The following DDX23 variants were observed in gnomAD, a reference collection of about 807,000 sequenced individuals.
DDX23 encodes DEAD-box helicase 23.
In DDX23, 33 loss-of-function variants were observed where a neutral mutation model predicts 102.7. That is an observed-to-expected ratio of 0.32 (90% confidence interval 0.24 to 0.43). DDX23 has a LOEUF of 0.43. DDX23 is among the 20% of genes least tolerant of loss of function. The pLI is 1.00. For missense variants in DDX23, 549 were observed against 1,086.6 expected, an observed-to-expected ratio of 0.51 and a Z score of 6.96; for synonymous variants, 352 against 376.0, an observed-to-expected ratio of 0.94 and a Z score of 0.74.
intron 16 of DDX23, 112 bp downstream of exon 16, chr12:48,831,029 TG>T (rs1187233258): frequency 8.0e-6 from 10 of 1,249,928 alleles, no homozygotes; most frequent in Non-Finnish European, 1.1e-5. Flanking sequence ...ATCCCAGACT[TG>T]GAACTGAGGG....
At chr12:48,837,830 T>C in intron 6 of DDX23, 112 bp downstream of exon 6, 1 of 1,551,802 alleles carries the variant, frequency 6.4e-7, no homozygotes, top group South Asian at 1.2e-5. Context: ...CCACCATCCT[T>C]CCCCTTTCCA....
intron 1 of DDX23, among the ~76,000 whole-genome samples, chr12:48,849,629 C>A (rs1938726241): frequency 6.6e-6 from 1 of 151,344 alleles, no homozygotes; most frequent in African/African-American, 2.4e-5. Context: ...ACTGCACTAG[C>A]CTGGGTGACA....
At chr12:48,844,761 C>T (rs560915688) in intron 2 of DDX23, among the ~76,000 whole-genome samples, 1 of 151,720 alleles carries the variant, frequency 6.6e-6, no homozygotes, top group African/African-American at 2.4e-5. Flanking sequence ...GTGAACCAAC[C>T]GCGCCCGGCC....
intron 2 of DDX23, among the ~76,000 whole-genome samples, chr12:48,845,220 G>A (rs1484453084): frequency 6.6e-6 from 1 of 151,212 alleles, no homozygotes; most frequent in African/African-American, 2.4e-5. Context: ...TGGGGAGGCT[G>A]AAGCAGGCAG....
Position 48,837,083 on chromosome 12 carries a change from G to T in DDX23, c.867-46C>A, listed in dbSNP as rs747665254. On this transcript the variant is annotated intron_variant, in intron 8 of 16. Coordinates refer to ENST00000308025, the MANE Select transcript of DDX23 (RefSeq NM_004818.3). ...AAGAAAAAAGAAGGAGCTGTTAACG[G>T]CAGTAGGAAGGAAGGGCAGACTACT... The T allele has an allele frequency of 1.4e-5, 22 of 1,610,744 alleles. No homozygotes were observed. The South Asian group carries it at 2.4e-4, about 18-fold the overall frequency.
At chr12:48,833,694 T>C (rs1265620952) in intron 12 of DDX23, 175 bp from the exon 13 acceptor site, 3 of 770,212 alleles carry the variant, frequency 3.9e-6, no homozygotes, top group East Asian at 5.4e-5. Flanking sequence ...ACTTGTTGCC[T>C]GGATTTTCTC....
intron 8 of DDX23, 46 bp from the exon 9 acceptor site, chr12:48,837,083 G>A: frequency 6.2e-7 from 1 of 1,610,864 alleles, no homozygotes; most frequent in Non-Finnish European, 8.5e-7. Context: ...GCTGTTAACG[G>A]CAGTAGGAAG....
chr12:48,834,526 C>T (rs948562101), intron 11 of DDX23, 29 bp from the exon 12 acceptor site: 10 of 1,601,450 alleles, frequency 6.2e-6, no homozygotes, highest in South Asian at 3.4e-5. Context: ...CCCACAGCTT[C>T]GTGAGCTTTG....
intron 3 of DDX23, among the ~76,000 whole-genome samples, chr12:48,843,547 C>CTTTTTTTTT (rs757724499): frequency 2.6e-5 from 3 of 117,516 alleles, no homozygotes; most frequent in African/African-American, 6.3e-5. Context: ...TTCTTTCTTT[C>CTTTTTTTTT]TTTTTTTTTT....
chr12:48,831,610 G>A (rs1286536643), intron 15 of DDX23, among the ~76,000 whole-genome samples: 6 of 152,144 alleles, frequency 3.9e-5, no homozygotes, highest in African/African-American at 1.4e-4. Context: ...AATTAGGGGC[G>A]AGATCAGGGT....
rs1938699549 is a variant in DDX23 at position 48,848,221 on chromosome 12, G to A, written c.1-2439C>T. Among the ~76,000 whole-genome samples the A allele has an allele frequency of 2.0e-5, 3 of 152,006 alleles. No individual in the cohort carries two copies. The South Asian group carries it at 6.2e-4, about 32-fold the overall frequency. ...GAATGGCGTGAACCCGGGAGGCAGA[G>A]CTTGCAGTGAGCCGAGATCATGCCA... is the stretch of plus-strand genomic sequence containing the variant. On this transcript the variant is annotated intron_variant, in intron 1 of 16. Coordinates refer to ENST00000308025, the MANE Select transcript of DDX23 (RefSeq NM_004818.3).
chr12:48,845,218 C>T (rs1346178117), intron 2 of DDX23, among the ~76,000 whole-genome samples: 2 of 150,732 alleles, frequency 1.3e-5, no homozygotes, highest in African/African-American at 2.4e-5. Flanking sequence ...CTTGGGGAGG[C>T]TGAAGCAGGC....
At chr12:48,837,696 G>A (rs767020437) in intron 6 of DDX23, 39 bp from the exon 7 acceptor site, 33 of 1,611,134 alleles carry the variant, frequency 2.0e-5, no homozygotes, top group Non-Finnish European at 2.5e-5. Flanking sequence ...AAGAGCTCAT[G>A]GAAGAAAAGA....
chr12:48,846,579 A>C (rs1394058161), intron 1 of DDX23, among the ~76,000 whole-genome samples: 1 of 152,236 alleles, frequency 6.6e-6, no homozygotes, highest in Non-Finnish European at 1.5e-5. Context: ...TAAGTGGAGA[A>C]ACACACTTTT....
chr12:48,847,152 A>G (rs952599150), intron 1 of DDX23: 4 of 152,222 alleles, frequency 2.6e-5, no homozygotes, highest in African/African-American at 9.6e-5. Context: ...AGGACAACCC[A>G]TTTTATCTCA....
intron 1 of DDX23, 131 bp from the exon 2 acceptor site, chr12:48,845,913 G>A (rs1426762960): frequency 2.9e-5 from 29 of 1,002,690 alleles, no homozygotes; most frequent in Non-Finnish European, 4.0e-5. Context: ...GATGAGAACG[G>A]TGGAGCTCAG....
At chr12:48,842,834 T>G (rs2054860130) in intron 3 of DDX23, among the ~76,000 whole-genome samples, 1 of 152,136 alleles carries the variant, frequency 6.6e-6, no homozygotes, top group African/African-American at 2.4e-5. Context: ...ATGATGACAG[T>G]GGCGGTTTTG....
Position 48,839,903 on chromosome 12 carries a change from G to T in DDX23, c.421C>A (p.Pro141Thr), listed in dbSNP as rs1007843172. The change falls in exon 5 of 17, where the codon CCA becomes ACA. Residue 141 changes from proline to threonine, a missense_variant. Around this residue, in one of 4 missense-constraint regions of DDX23, gnomAD observed 241 missense variants for 267.0 expected, o/e 0.90. Coordinates refer to ENST00000308025, the MANE Select transcript of DDX23 (RefSeq NM_004818.3). Reference protein sequence around the residue: ...EHGDKKPKAQPLSLEELLAKK... With the variant: ...EHGDKKPKAQTLSLEELLAKK... ...GCCAGAAGCTCCTCCAGGGATAATGGCTGGGCCTGAAGATAAAACAGAACT... is the reference window on the plus strand; with the variant it reads ...GCCAGAAGCTCCTCCAGGGATAATGTCTGGGCCTGAAGATAAAACAGAACT... 3 of 1,614,052 alleles carry T rather than the reference G, an allele frequency of 1.9e-6. No homozygotes were observed. The highest frequency in any genetic ancestry group is 2.5e-6 in the Non-Finnish European group (3 of 1,180,028).
At chr12:48,841,749 G>T (rs1172240216) in intron 3 of DDX23, among the ~76,000 whole-genome samples, 29 of 152,326 alleles carry the variant, frequency 1.9e-4, no homozygotes, top group Admixed American at 1.6e-3. Flanking sequence ...ACACGGAGTC[G>T]CGTTCACTCA....
Sources: allele counts gnomAD v4.1 joint callset (sites outside exome capture counted in the v4.1 genomes callset), GRCh38; gene constraint gnomAD v4.1.1; regional missense constraint gnomAD v4.1.1; transcripts MANE v1.5; gene names NCBI Gene and HGNC (gene_info 2026-07-23, HGNC 2026-07-21).